EPAS1: variants seen among roughly 807,000 people sequenced by gnomAD.
EPAS1 encodes the protein endothelial PAS domain-containing protein 1.
In EPAS1, 23 loss-of-function variants were observed where a neutral mutation model predicts 87.9. The observed-to-expected ratio is 0.26, with a 90% CI of 0.19 to 0.37. The LOEUF (loss-of-function observed/expected upper bound fraction) is 0.37, where lower values mean the gene tolerates loss of function less well. Among genes scored for constraint, EPAS1 ranks in the 10% least tolerant of loss-of-function variants. The pLI, the probability that EPAS1 is intolerant of heterozygous loss-of-function variation, is 1.00. For missense variants in EPAS1, 1,138 were observed against 1,120.7 expected (o/e 1.02, Z -0.22); for synonymous variants, 508 against 444.3 (o/e 1.14, Z -1.80).
At position 46,297,679 on chromosome 2, in the gene EPAS1, G is replaced by A; in HGVS notation, c.-233G>A. 1.8e-6 allele frequency: 1 copy of A among 561,890 alleles called. No homozygotes were observed. The highest frequency in any genetic ancestry group is 3.1e-6 in the Non-Finnish European group (1 of 318,488). 34.8% of individuals were successfully genotyped at this position (561,890 alleles called of 1,614,324 possible). ...ACAGCCTCCACCCACTCCTTCCCCG[G>A]ACCCCGCCTCCGCGCGCAGGTTCCT... is the stretch of plus-strand genomic sequence containing the variant. On this transcript the variant is annotated 5_prime_UTR_variant, in exon 1 of 16. Transcript: ENST00000263734.
intron 2 of EPAS1, among the ~76,000 whole-genome samples, chr2:46,351,493 T>G (rs1423192438): frequency 6.6e-6 from 1 of 152,076 alleles, no homozygotes; most frequent in Non-Finnish European, 1.5e-5. Context: ...TGGCTAAGGA[T>G]CCAGTAAGCG....
rs1684890563 is a variant in EPAS1 at position 46,381,525 on chromosome 2, C to T, written c.2046-71C>T. 1.6e-5 allele frequency: 26 copies of T among 1,612,452 alleles called. No homozygotes were observed. The South Asian group carries it at 2.6e-4, about 16-fold the overall frequency. ...ATCAGCATTGGGACTGGAAGGGCCC[C>T]TAAGATGAGAAGGCACTGAGTGGCA... On this transcript the variant is annotated intron_variant, in intron 12 of 15. Coordinates refer to ENST00000263734, the MANE Select transcript of EPAS1 (RefSeq NM_001430.5).
At chr2:46,365,285 GAGGGTCATACAATTTTTAC>G (rs1365054238) in intron 6 of EPAS1, among the ~76,000 whole-genome samples, 2 of 152,208 alleles carry the variant, frequency 1.3e-5, no homozygotes, top group African/African-American at 4.8e-5. Flanking sequence ...AATCAACAAA[GAGGGTCATACAATTTTTAC>G]AGGTAAAGAA....
chr2:46,320,351 C>A (rs1683429733), intron 1 of EPAS1, among the ~76,000 whole-genome samples: 1 of 152,122 alleles, frequency 6.6e-6, no homozygotes. Context: ...CTTAATTGGT[C>A]CTGGGAATTG....
At chr2:46,337,174 C>G (rs963570552) in intron 1 of EPAS1, among the ~76,000 whole-genome samples, 1 of 152,164 alleles carries the variant, frequency 6.6e-6, no homozygotes, top group African/African-American at 2.4e-5. Flanking sequence ...ACCAAAAGAA[C>G]AGGTGTGGGG....
At position 46,380,625 on chromosome 2, in the gene EPAS1, G is replaced by T. The variant is rs1052303629; in HGVS notation, c.1953G>T (p.Lys651Asn). Reference sequence around the variant, plus strand: ...CACCATTACATTTTGGGCCCACAAAGTGGGCCGTCGGGGATCAGCGCACAG... The same window carrying T: ...CACCATTACATTTTGGGCCCACAAATTGGGCCGTCGGGGATCAGCGCACAG... The part of the protein sequence containing the change: ...PDPPLHFGPT[K>N]WAVGDQRTEF... The change falls in exon 12 of 16, where the codon AAG becomes AAT. Residue 651 changes from lysine (K) to asparagine (N), a missense_variant. Lys to Asn is a moderately conservative substitution (Grantham distance 94). Around this residue, in one of 4 missense-constraint regions of EPAS1, gnomAD observed 502 missense variants for 427.1 expected, o/e 1.18. Transcript: ENST00000263734. This position sits in a 1 kb window ranked among gnomAD's most constrained non-coding sequence, Gnocchi z 4.4. 1 of 1,614,068 alleles carries T rather than the reference G, an allele frequency of 6.2e-7. No individual in the cohort carries two copies. Among genetic ancestry groups the T allele is most frequent in the Non-Finnish European group, 8.5e-7 (1 of 1,179,986 alleles).
At chr2:46,351,362 G>A (rs1429704424) in intron 2 of EPAS1, among the ~76,000 whole-genome samples, 1 of 152,216 alleles carries the variant, frequency 6.6e-6, no homozygotes, top group African/African-American at 2.4e-5. Context: ...ACAAAGGCAT[G>A]AATCTCTCCT....
At chr2:46,365,915 T>G (rs1684490314) in intron 6 of EPAS1, among the ~76,000 whole-genome samples, 1 of 152,244 alleles carries the variant, frequency 6.6e-6, no homozygotes. Context: ...GAAGTATTTA[T>G]TAGCAGATAC....
chr2:46,330,119 C>T (rs1007856689), intron 1 of EPAS1, among the ~76,000 whole-genome samples: 2 of 152,302 alleles, frequency 1.3e-5, no homozygotes, highest in Middle Eastern at 3.4e-3. Flanking sequence ...TTTCTCTTTT[C>T]TTGAAACTTT....
rs372918157 is a variant in EPAS1, at chr2:46,380,752, C to T, written c.2045+35C>T. 2.0e-5 allele frequency: 32 copies of T among 1,602,118 alleles called. No homozygotes were observed. The highest frequency in any genetic ancestry group is 1.7e-4 in the Middle Eastern group (1 of 6,056). On this transcript the variant is annotated intron_variant, in intron 12 of 15. Transcript: ENST00000263734. This position sits in a 1 kb window ranked among gnomAD's most constrained non-coding sequence, Gnocchi z 4.4. ...AGATACTCAGCTGTACCAGCAGGGC[C>T]GAACCGAGAGGCACCCACTAGTAAG...
At chr2:46,376,253 CAG>C (rs1025863908) in intron 8 of EPAS1, among the ~76,000 whole-genome samples, 1 of 152,084 alleles carries the variant, frequency 6.6e-6, no homozygotes, top group African/African-American at 2.4e-5. Context: ...TTTCTACAGA[CAG>C]AGAAAAACAA....
intron 1 of EPAS1, among the ~76,000 whole-genome samples, chr2:46,334,063 A>G (rs6726454): frequency 0.62 from 93,753 of 151,974 alleles, 30,484 homozygotes; most frequent in East Asian, 0.97. Flanking sequence ...GCAGCCCAGG[A>G]ATTGCTGCCA....
In EPAS1 at chr2:46,376,644, G is replaced by A; in HGVS notation, c.1140G>A (p.Gly380=). 1 of 1,614,140 alleles carries A rather than the reference G, an allele frequency of 6.2e-7. No individual in the cohort carries two copies. Among genetic ancestry groups the A allele is most frequent in the Non-Finnish European group, 8.5e-7 (1 of 1,180,030 alleles). Reference sequence around the variant, plus strand: ...GCATCTTTGATAGCAGTGGCAAGGGGGCTGTGTCTGAGAAGAGTAACTTCC... The same window carrying A: ...GCATCTTTGATAGCAGTGGCAAGGGAGCTGTGTCTGAGAAGAGTAACTTCC... ...MNSIFDSSGK[G]AVSEKSNFLF... The change falls in exon 9 of 16, where the codon GGG becomes GGA. Residue 380 remains glycine, a synonymous_variant. Coordinates refer to ENST00000263734, the MANE Select transcript of EPAS1 (RefSeq NM_001430.5).
rs778225432 is a variant in EPAS1 at position 46,377,864 on chromosome 2, T to G, written c.1250-30T>G. The G allele has an allele frequency of 3.2e-6, 5 of 1,551,536 alleles. No homozygotes were observed. In the African/African-American group the frequency reaches 6.8e-5, roughly 21 times the overall value. ...TTGGGGTGAGCCCGATGGTTGTGGG[T>G]GTTCACCTCCCAGGCCCTTGTCTCC... On this transcript the variant is annotated intron_variant, in intron 9 of 15. Coordinates refer to ENST00000263734, the MANE Select transcript of EPAS1 (RefSeq NM_001430.5).
At position 46,376,558 on chromosome 2, in the gene EPAS1, G is replaced by T; in HGVS notation, c.1054G>T (p.Val352Leu). The T allele has an allele frequency of 6.2e-7, 1 of 1,614,098 alleles. No homozygotes were observed. The highest frequency in any genetic ancestry group is 8.5e-7 in the Non-Finnish European group (1 of 1,180,008). ...CATTAGTGAGATTGAGAAGAATGACGTGGTGTTCTCCATGGACCAGACTGA... is the reference window on the plus strand; with the variant it reads ...CATTAGTGAGATTGAGAAGAATGACTTGGTGTTCTCCATGGACCAGACTGA... The part of the protein sequence containing the change: ...YVLSEIEKND[V>L]VFSMDQTESL... Residue 352 changes from valine (V) to leucine (L), a missense_variant, in exon 9 of 16, where the codon GTG (valine) becomes TTG (leucine). Physicochemically the swap from Val to Leu is conservative, Grantham distance 32 (BLOSUM62 1). This residue lies in a region of EPAS1 where 284 missense variants were observed against 258.4 expected (regional missense o/e 1.10). Coordinates refer to ENST00000263734, the MANE Select transcript of EPAS1 (RefSeq NM_001430.5).
intron 1 of EPAS1, among the ~76,000 whole-genome samples, chr2:46,316,157 A>C (rs903686752): frequency 6.6e-6 from 1 of 152,054 alleles, no homozygotes; most frequent in Non-Finnish European, 1.5e-5. Context: ...AGTAAAGTGA[A>C]TATCACAATA....
intron 2 of EPAS1, among the ~76,000 whole-genome samples, chr2:46,354,213 C>T (rs562435470): frequency 2.0e-5 from 3 of 152,310 alleles, no homozygotes; most frequent in Middle Eastern, 3.4e-3. Context: ...ATTGATGTGT[C>T]CCTGGCCAAG....
At chr2:46,330,099 T>G (rs1483035650) in intron 1 of EPAS1, among the ~76,000 whole-genome samples, 2 of 152,190 alleles carry the variant, frequency 1.3e-5, no homozygotes, top group Non-Finnish European at 2.9e-5. Flanking sequence ...GAATCATCAG[T>G]AATACTTTGT....
chr2:46,367,542 C>G (rs561985848), intron 6 of EPAS1, among the ~76,000 whole-genome samples: 8 of 152,360 alleles, frequency 5.3e-5, no homozygotes, highest in Admixed American at 1.3e-4. Context: ...CAGTCTCCAC[C>G]TTTGCCAAGG....
Sources: gnomAD v4.1 joint callset for allele counts (sites outside exome capture counted in the v4.1 genomes callset) on GRCh38, gnomAD v4.1.1 for gene constraint, gnomAD v4.1.1 regional missense constraint, Gnocchi (gnomAD v3.1) non-coding constraint, MANE v1.5 for transcripts, NCBI Gene and HGNC (gene_info 2026-07-23, HGNC 2026-07-21) for gene names.